The following LINGO2 variants were observed in gnomAD, a reference collection of about 807,000 sequenced individuals.
LINGO2 encodes leucine rich repeat and Ig domain containing 2.
LINGO2 carries 14 observed loss-of-function variants against 30.6 expected under a neutral mutation model. The ratio of observed to expected loss-of-function variants is 0.46; its 90% CI spans 0.30 to 0.72. LINGO2 has a LOEUF of 0.72. Among genes scored for constraint, LINGO2 ranks in the 30% least tolerant of loss-of-function variants. The pLI, the probability that LINGO2 is intolerant of heterozygous loss-of-function variation, is 0.07. For missense variants in LINGO2, 729 were observed against 751.7 expected, an observed-to-expected ratio of 0.97 and a Z score of 0.35; for synonymous variants, 317 against 288.5, an observed-to-expected ratio of 1.10 and a Z score of -1.00.
chr9:28,937,730 G>A, the LINGO2 span, among the ~76,000 whole-genome samples: 4 of 152,144 alleles, frequency 2.6e-5, no homozygotes, highest in Non-Finnish European at 5.9e-5. Context: ...TGTGGGTTCT[G>A]GGCCTGCGGT....
the LINGO2 span, chr9:27,938,773 C>G: frequency 1.3e-5 from 2 of 152,146 alleles, no homozygotes; most frequent in East Asian, 1.9e-4. Context: ...TTGATAATGA[C>G]TTCAGTGACG....
At chr9:28,117,405 C>A (rs1203706934) in intron 4 of LINGO2, among the ~76,000 whole-genome samples, 2 of 117,206 alleles carry the variant, frequency 1.7e-5, no homozygotes, top group African/African-American at 6.5e-5. Context: ...CCTACAGAGG[C>A]AGGCAGGCCT....
At chr9:28,210,172 T>C (rs1820541148) in intron 4 of LINGO2, among the ~76,000 whole-genome samples, 2 of 151,692 alleles carry the variant, frequency 1.3e-5, no homozygotes, top group Admixed American at 1.3e-4. Context: ...TCTAATGGCT[T>C]TGAGCTCTTG....
the LINGO2 span, among the ~76,000 whole-genome samples, chr9:28,876,215 G>A: frequency 2.0e-5 from 3 of 151,814 alleles, no homozygotes; most frequent in African/African-American, 7.3e-5. Flanking sequence ...CTCTCAGAGA[G>A]TCATGCCTAC....
At chr9:28,661,432 TGCCCATTGACCG>T (rs1370152900) in intron 1 of LINGO2, among the ~76,000 whole-genome samples, 2 of 152,108 alleles carry the variant, frequency 1.3e-5, no homozygotes, top group Non-Finnish European at 2.9e-5. Flanking sequence ...CAAAACTGCC[TGCCCATTGACCG>T]GCCCATTGAC....
chr9:28,000,232 C>T (rs1243741183), intron 5 of LINGO2, among the ~76,000 whole-genome samples: 1 of 152,156 alleles, frequency 6.6e-6, no homozygotes, highest in Admixed American at 6.5e-5. Context: ...GCTCCAAAAT[C>T]AACTTGTAAG....
the LINGO2 span, among the ~76,000 whole-genome samples, chr9:28,916,068 G>A: frequency 6.6e-6 from 1 of 152,158 alleles, no homozygotes; most frequent in Non-Finnish European, 1.5e-5. Context: ...GCAAATGGGT[G>A]GTCAGACATG....
chr9:28,207,059 C>G (rs1180923700), intron 4 of LINGO2, among the ~76,000 whole-genome samples: 1 of 152,062 alleles, frequency 6.6e-6, no homozygotes, highest in Non-Finnish European at 1.5e-5. Context: ...AAAAATTACA[C>G]CTTCACAAGT....
At chr9:28,237,474 G>T (rs557631788) in intron 4 of LINGO2, among the ~76,000 whole-genome samples, 22 of 152,028 alleles carry the variant, frequency 1.4e-4, no homozygotes, top group Middle Eastern at 3.2e-3. Context: ...CGAATGTAAA[G>T]AAACCAAACT....
chr9:29,157,814 C>A, the LINGO2 span, among the ~76,000 whole-genome samples: 1 of 151,936 alleles, frequency 6.6e-6, no homozygotes, highest in Non-Finnish European at 1.5e-5. Context: ...TTTGAATATG[C>A]GGTAATCTTT....
intron 4 of LINGO2, among the ~76,000 whole-genome samples, chr9:28,165,952 G>T (rs867938685): frequency 6.6e-6 from 1 of 152,118 alleles, no homozygotes; most frequent in East Asian, 1.9e-4. Context: ...AACAAAACTC[G>T]TATTTACCAA....
At chr9:28,910,196 T>C in the LINGO2 span, among the ~76,000 whole-genome samples, 79 of 152,232 alleles carry the variant, frequency 5.2e-4, no homozygotes, top group African/African-American at 1.8e-3. Context: ...TAGATACATT[T>C]ATCTCTTTTC....
chr9:29,030,771 G>A, the LINGO2 span, among the ~76,000 whole-genome samples: 3 of 152,090 alleles, frequency 2.0e-5, no homozygotes, highest in Admixed American at 2.0e-4. Flanking sequence ...ATCTTTTAGG[G>A]AAATACTTTG....
At chr9:29,171,454 G>C in the LINGO2 span, among the ~76,000 whole-genome samples, 2 of 151,798 alleles carry the variant, frequency 1.3e-5, no homozygotes, top group Non-Finnish European at 2.9e-5. Context: ...TTCTTTGTTT[G>C]GGCATCTTGG....
At chr9:28,684,075 A>ACAT in the LINGO2 span, among the ~76,000 whole-genome samples, 3 of 151,706 alleles carry the variant, frequency 2.0e-5, no homozygotes, top group Non-Finnish European at 4.4e-5. Flanking sequence ...GTAAAAGTTT[A>ACAT]CATTTTTAAA....
At chr9:29,198,148 C>A in the LINGO2 span, among the ~76,000 whole-genome samples, 1 of 151,990 alleles carries the variant, frequency 6.6e-6, no homozygotes, top group African/African-American at 2.4e-5. Context: ...TCTAATAGTC[C>A]TCTGGAACAA....
chr9:27,949,220 G>A (rs150860330), exon 6 of LINGO2: 53 of 1,613,918 alleles, frequency 3.3e-5, no homozygotes, highest in Middle Eastern at 1.6e-4. Context: ...CATTGCTAGC[G>A]ATGCAAACAT....
chr9:28,938,451 A>G, the LINGO2 span, among the ~76,000 whole-genome samples: 10 of 152,306 alleles, frequency 6.6e-5, 1 homozygote, highest in South Asian at 2.1e-3. Context: ...AGTATATACT[A>G]CATATAGTCA....
At chr9:28,136,071 A>T (rs1228361189) in intron 4 of LINGO2, among the ~76,000 whole-genome samples, 1 of 152,222 alleles carries the variant, frequency 6.6e-6, no homozygotes, top group Admixed American at 6.5e-5. Flanking sequence ...TCCTGGTTAT[A>T]TCTAGTAATT....
Sources: allele counts gnomAD v4.1 joint callset (sites outside exome capture counted in the v4.1 genomes callset), GRCh38; gene constraint gnomAD v4.1.1; transcripts MANE v1.5; gene names NCBI Gene and HGNC (gene_info 2026-07-23, HGNC 2026-07-21).